Variants in GTF3C4 observed in about 807,000 individuals in gnomAD.
The protein encoded by GTF3C4 is general transcription factor IIIC subunit 4.
A neutral mutation model predicts 67.5 loss-of-function variants in GTF3C4; 28 were observed. That is an observed-to-expected ratio of 0.41 (90% confidence interval 0.31 to 0.57). The LOEUF (loss-of-function observed/expected upper bound fraction) is 0.57, where lower values mean the gene tolerates loss of function less well. Ranked by LOEUF, GTF3C4 falls within the 20% of genes least tolerant of loss-of-function variation. GTF3C4 has a pLI of 0.21. For synonymous variants in GTF3C4, 409 were observed against 393.0 expected (o/e 1.04, Z -0.48); for missense variants, 831 against 1,033.2 (o/e 0.80, Z 2.68).
chr9:132,682,982 T>C (rs1442082473), intron 2 of GTF3C4, among the ~76,000 whole-genome samples: 1 of 152,136 alleles, frequency 6.6e-6, no homozygotes, highest in East Asian at 1.9e-4. Context: ...CCTCTCTCAC[T>C]CCCAGCTTCT....
Position 132,670,937 on chromosome 9 carries a change from C to T in GTF3C4, c.339C>T (p.Leu113=). The T allele has an allele frequency of 6.2e-7, 1 of 1,610,138 alleles. No individual in the cohort carries two copies. The highest frequency in any genetic ancestry group is 8.5e-7 in the Non-Finnish European group (1 of 1,177,820). Residue 113 remains leucine, a synonymous_variant, in exon 1 of 5, where the codon CTC becomes CTT. Transcript: ENST00000372146. The stretch of plus-strand genomic sequence containing the variant: ...ACCGCACCTCGGTGCCCGCACCGCT[C>T]AACAGCTGTCTCCTCAAAGTAAGTC... The part of the protein sequence containing the change: ...VIHRTSVPAP[L]NSCLLKVGSK...
intron 3 of GTF3C4, 121 bp downstream of exon 3, chr9:132,683,814 A>G: frequency 1.1e-6 from 1 of 950,210 alleles, no homozygotes; most frequent in Non-Finnish European, 1.5e-6. Context: ...AATTTGTTGG[A>G]GAAAAGCTGC....
chr9:132,670,805 G>A lies in GTF3C4; in HGVS notation c.207G>A (p.Pro69=). 2 of 1,602,226 alleles carry A rather than the reference G, an allele frequency of 1.2e-6. No homozygotes were observed. The highest frequency in any genetic ancestry group is 1.1e-5 in the South Asian group (1 of 90,130). Residue 69 remains proline (P), a synonymous_variant, in exon 1 of 5, where the codon CCG becomes CCA. Transcript: ENST00000372146. The part of the protein sequence containing the change: ...KLQYAVSGLE[P]LAWSEDHRVS... The stretch of plus-strand genomic sequence containing the variant: ...AGTATGCGGTGAGCGGCCTGGAACC[G>A]CTGGCTTGGTCCGAGGACCACCGCG...
At position 132,675,740 on chromosome 9, in the gene GTF3C4, A is replaced by G. The variant is rs1835854074; in HGVS notation, c.358-2237A>G. On this transcript the variant is annotated intron_variant, in intron 1 of 4. Coordinates refer to ENST00000372146, the MANE Select transcript of GTF3C4 (RefSeq NM_012204.4). ...TAGAACTATTTTTCAAGGGACAATTAAAGGGAGTAGTGTACTGTGAAACAC... is the reference window on the plus strand; with the variant it reads ...TAGAACTATTTTTCAAGGGACAATTGAAGGGAGTAGTGTACTGTGAAACAC... Among the ~76,000 whole-genome samples, 6 of 150,988 alleles carry G rather than the reference A, an allele frequency of 4.0e-5. No homozygotes were observed. In the South Asian group the frequency reaches 1.2e-3, roughly 31 times the overall value.
At chr9:132,674,750 C>T (rs1835840020) in intron 1 of GTF3C4, among the ~76,000 whole-genome samples, 1 of 152,180 alleles carries the variant, frequency 6.6e-6, no homozygotes, top group African/African-American at 2.4e-5. Context: ...TTACTTAAGG[C>T]TGAGTGCTGT....
At chr9:132,670,174 G>C, upstream of GTF3C4, 1 of 1,592,730 alleles carries the variant, frequency 6.3e-7, no homozygotes, top group Non-Finnish European at 8.6e-7. Context: ...TCGCGGCCTG[G>C]CAAAATTACA....
At position 132,693,608 on chromosome 9, in the gene GTF3C4, G is replaced by A. The variant is rs954201011; in HGVS notation, c.*4663G>A. The A allele has an allele frequency of 2.6e-5, 4 of 151,934 alleles. No individual in the cohort carries two copies. The South Asian group carries it at 6.2e-4, about 24-fold the overall frequency. The allele number at this position is 151,934 out of a possible 1,614,324, so 9.4% of individuals were successfully genotyped here. On this transcript the variant is annotated 3_prime_UTR_variant, in exon 5 of 5. Transcript: ENST00000372146. The stretch of plus-strand genomic sequence containing the variant: ...TCTAAATCTTATGCTTATTTTTAAA[G>A]TAAAAAGTTGCCTCACTGTCATGAA...
At chr9:132,672,322 G>A (rs939752253) in intron 1 of GTF3C4, among the ~76,000 whole-genome samples, 2 of 152,214 alleles carry the variant, frequency 1.3e-5, no homozygotes, top group East Asian at 3.8e-4. Flanking sequence ...TTAGCAGAGA[G>A]AATGTAAAGA....
rs1301169106 is a variant in GTF3C4 at position 132,679,405 on chromosome 9, T to C, written c.1786T>C (p.Leu596=). The C allele has an allele frequency of 2.0e-5, 32 of 1,614,128 alleles. No homozygotes were observed. Among genetic ancestry groups the C allele is most frequent in the Non-Finnish European group, 2.6e-5 (31 of 1,180,034 alleles). Residue 596 remains leucine, a synonymous_variant, in exon 2 of 5, where the codon TTG becomes CTG. Coordinates refer to ENST00000372146, the MANE Select transcript of GTF3C4 (RefSeq NM_012204.4). This position sits in a 1 kb window ranked among gnomAD's most constrained non-coding sequence, Gnocchi z 5.9. The stretch of plus-strand genomic sequence containing the variant: ...AATGCAGAAAACCCCTTCAGAAGCC[T>C]TGTGGAAACCCACCCATGAGGACTC... ...QSMQKTPSEA[L]WKPTHEDSKI... is the part of the protein sequence containing the mutation.
rs1836154958 is a variant in GTF3C4 at position 132,693,749 on chromosome 9, G to C, written c.*4804G>C. 2.0e-5 allele frequency: 3 copies of C among 152,122 alleles called. No individual in the cohort carries two copies. In the South Asian group the frequency reaches 6.2e-4, roughly 32 times the overall value. The allele number at this position is 152,122 out of a possible 1,614,324, so 9.4% of individuals were successfully genotyped here. A position where few individuals can be genotyped will look rare whatever the true frequency, so the allele number is the denominator to read the frequency against. On this transcript the variant is annotated 3_prime_UTR_variant, in exon 5 of 5. Transcript: ENST00000372146. ...TTTACCAGTTTACATTTGGCTAGCA[G>C]ACTGGTAAGGTTTAGGGTTCTCTCC...
upstream of GTF3C4, chr9:132,670,271 T>C: frequency 1.3e-6 from 2 of 1,515,650 alleles, no homozygotes; most frequent in Non-Finnish European, 1.8e-6. Flanking sequence ...GCCTCCCCTT[T>C]ACCGCCCCGT....
rs1422740758 is a variant in GTF3C4 at position 132,690,872 on chromosome 9, CCATTAGAAT to C, written c.*1930_*1938del. On this transcript the variant is annotated 3_prime_UTR_variant, in exon 5 of 5. Coordinates refer to ENST00000372146, the MANE Select transcript of GTF3C4 (RefSeq NM_012204.4). Reference sequence around the variant, plus strand: ...TGGCATAGTTTCACTTCCCCTCCCCCCATTAGAATCAGTGGAGATTTGTTCTTACTAGGG... The same window carrying C: ...TGGCATAGTTTCACTTCCCCTCCCCCCAGTGGAGATTTGTTCTTACTAGGG... The C allele has an allele frequency of 6.6e-6, 1 of 152,146 alleles. No individual in the cohort carries two copies. Among genetic ancestry groups the C allele is most frequent in the African/African-American group, 2.4e-5 (1 of 41,414 alleles). 9.4% of individuals were successfully genotyped at this position (152,146 alleles called of 1,614,324 possible).
chr9:132,678,825 T>G lies in GTF3C4; in HGVS notation c.1206T>G (p.Cys402Trp), dbSNP rs752302758. Residue 402 changes from cysteine (C) to tryptophan (W), a missense_variant, in exon 2 of 5, where the codon TGT becomes TGG. By Grantham distance (215) the Cys-to-Trp change is radical. Around this residue, in one of 4 missense-constraint regions of GTF3C4, gnomAD observed 390 missense variants for 540.3 expected, o/e 0.72. Coordinates refer to ENST00000372146, the MANE Select transcript of GTF3C4 (RefSeq NM_012204.4). The surrounding 1 kb of genome is among the most constrained non-coding windows in gnomAD (Gnocchi z 6.5). ...CAAGAGGCTCTTATGTATTTTGGTG[T>G]CTTCTTCTGATCTCCAAAGCAGGGC... Reference protein sequence around the residue: ...VAARGSYVFWCLLLISKAGLN... With the variant: ...VAARGSYVFWWLLLISKAGLN... 3 of 1,614,198 alleles carry G rather than the reference T, an allele frequency of 1.9e-6. No individual in the cohort carries two copies. In the South Asian group the frequency reaches 3.3e-5, roughly 18 times the overall value.
intron 1 of GTF3C4, among the ~76,000 whole-genome samples, chr9:132,674,297 T>A (rs1382900187): frequency 1.3e-5 from 2 of 152,254 alleles, no homozygotes; most frequent in African/African-American, 2.4e-5. Flanking sequence ...GGAGCTGGAC[T>A]TTTTAAGTAT....
chr9:132,682,631 T>A (rs1328431292), intron 2 of GTF3C4, among the ~76,000 whole-genome samples: 5 of 131,596 alleles, frequency 3.8e-5, no homozygotes, highest in Non-Finnish European at 7.7e-5. Context: ...TGAGATGGAG[T>A]CTCACTGTGT....
At chr9:132,673,546 T>C (rs1366343429) in intron 1 of GTF3C4, among the ~76,000 whole-genome samples, 3 of 152,196 alleles carry the variant, frequency 2.0e-5, no homozygotes, top group African/African-American at 7.2e-5. Context: ...AAAACTGGTG[T>C]GACGGTAGGA....
At position 132,678,634 on chromosome 9, in the gene GTF3C4, C is replaced by A. The variant is rs754475496; in HGVS notation, c.1015C>A (p.Pro339Thr). 1 of 1,613,924 alleles carries A rather than the reference C, an allele frequency of 6.2e-7. No homozygotes were observed. Among genetic ancestry groups the A allele is most frequent in the South Asian group, 1.1e-5 (1 of 91,076 alleles). The change falls in exon 2 of 5, where the codon CCC becomes ACC. Residue 339 changes from proline (P) to threonine (T), a missense_variant. Around this residue, in one of 4 missense-constraint regions of GTF3C4, gnomAD observed 390 missense variants for 540.3 expected, o/e 0.72. Transcript: ENST00000372146. This position sits in a 1 kb window ranked among gnomAD's most constrained non-coding sequence, Gnocchi z 6.5. ...CCTTATTGTGGGGAGTGCTTTTGGA[C>A]CCATAAAAATTCTTCCTGTCAATCT... ...SGLIVGSAFG[P>T]IKILPVNLKA...
At chr9:132,683,331 T>C (rs2130900205) in intron 2 of GTF3C4, among the ~76,000 whole-genome samples, 1 of 152,358 alleles carries the variant, frequency 6.6e-6, no homozygotes, top group Non-Finnish European at 1.5e-5. Context: ...TATCACAGAG[T>C]ACCTGAATAA....
intron 1 of GTF3C4, among the ~76,000 whole-genome samples, chr9:132,676,409 C>A (rs756640413): frequency 5.3e-5 from 8 of 151,222 alleles, no homozygotes; most frequent in Admixed American, 1.3e-4. Context: ...ACCTCTGCCT[C>A]CCAGATTCAA....
Sources: allele counts gnomAD v4.1 joint callset (sites outside exome capture counted in the v4.1 genomes callset), GRCh38; gene constraint gnomAD v4.1.1; regional missense constraint gnomAD v4.1.1; non-coding constraint Gnocchi (gnomAD v3.1); transcripts MANE v1.5; gene names NCBI Gene and HGNC (gene_info 2026-07-23, HGNC 2026-07-21).